CSMD1: variants seen among roughly 807,000 people sequenced by gnomAD.
CSMD1 encodes the protein CUB and sushi domain-containing protein 1.
A neutral mutation model predicts 417.5 loss-of-function variants in CSMD1; 213 were observed. The observed-to-expected ratio is 0.51, with a 90% CI of 0.46 to 0.57. CSMD1 has a LOEUF of 0.57. Ranked by LOEUF, CSMD1 falls within the 20% of genes least tolerant of loss-of-function variation. The pLI is 0.00. For missense variants in CSMD1, 6,923 were observed against 4,529.7 expected, an observed-to-expected ratio of 1.53 and a Z score of -15.17; for synonymous variants, 2,862 against 1,736.8, an observed-to-expected ratio of 1.65 and a Z score of -16.11.
chr8:3,893,339 T>TTATATATATTTATA (rs1807115105), intron 5 of CSMD1, among the ~76,000 whole-genome samples: 1 of 80,440 alleles, frequency 1.2e-5, no homozygotes, highest in Non-Finnish European at 2.8e-5. Context: ...ATTCACAATT[T>TTATATATATTTATA]TATATATATA....
At chr8:4,246,660 G>C (rs899909408) in intron 3 of CSMD1, among the ~76,000 whole-genome samples, 1 of 151,928 alleles carries the variant, frequency 6.6e-6, no homozygotes, top group Non-Finnish European at 1.5e-5. Flanking sequence ...GCAAGCAAAA[G>C]AAACAAAAAA....
intron 7 of CSMD1, among the ~76,000 whole-genome samples, chr8:3,694,178 C>T (rs528456859): frequency 1.3e-5 from 2 of 151,900 alleles, no homozygotes; most frequent in Non-Finnish European, 2.9e-5. Flanking sequence ...ATCTCACCAA[C>T]AAGGTGAATG....
At chr8:4,012,214 T>A (rs1053281431) in intron 4 of CSMD1, among the ~76,000 whole-genome samples, 1 of 152,128 alleles carries the variant, frequency 6.6e-6, no homozygotes, top group African/African-American at 2.4e-5. Context: ...TATGCCGTTT[T>A]ACTCACTCGT....
intron 5 of CSMD1, among the ~76,000 whole-genome samples, chr8:3,817,830 G>C (rs992784245): frequency 2.0e-5 from 3 of 152,162 alleles, no homozygotes; most frequent in East Asian, 3.9e-4. Context: ...GCCACACCAA[G>C]TCCAGCTTTC....
At chr8:4,397,123 C>A (rs561990455) in intron 3 of CSMD1, among the ~76,000 whole-genome samples, 1 of 152,074 alleles carries the variant, frequency 6.6e-6, no homozygotes, top group Non-Finnish European at 1.5e-5. Context: ...ACCATCTGCA[C>A]GCCATCACAT....
At chr8:4,373,351 CGTGTCACT>C (rs1224572789) in intron 3 of CSMD1, among the ~76,000 whole-genome samples, 2 of 152,148 alleles carry the variant, frequency 1.3e-5, no homozygotes, top group African/African-American at 4.8e-5. Flanking sequence ...TAGTTAATAA[CGTGTCACT>C]GTTGGTTTAT....
intron 1 of CSMD1, among the ~76,000 whole-genome samples, chr8:4,706,784 A>G (rs1807971001): frequency 6.6e-6 from 1 of 152,234 alleles, no homozygotes; most frequent in African/African-American, 2.4e-5. Context: ...CAGAAGACGC[A>G]TTTGAGAAAG....
chr8:4,398,305 A>T (rs1804396508), intron 3 of CSMD1, among the ~76,000 whole-genome samples: 1 of 150,728 alleles, frequency 6.6e-6, no homozygotes, highest in Admixed American at 6.6e-5. Flanking sequence ...CTCTACTCTT[A>T]GTATGAGTTT....
At chr8:4,046,775 A>G (rs775466020) in intron 3 of CSMD1, among the ~76,000 whole-genome samples, 1 of 152,172 alleles carries the variant, frequency 6.6e-6, no homozygotes, top group Admixed American at 6.5e-5. Flanking sequence ...TATTGTAATT[A>G]ATGCACAGCC....
chr8:3,157,075 G>A (rs1444587294), intron 39 of CSMD1, among the ~76,000 whole-genome samples: 1 of 151,494 alleles, frequency 6.6e-6, no homozygotes, highest in Non-Finnish European at 1.5e-5. Flanking sequence ...GTTTGGAGAA[G>A]CCGATCACTT....
At chr8:4,651,539 G>C (rs978440) in intron 1 of CSMD1, among the ~76,000 whole-genome samples, 106,962 of 152,072 alleles carry the variant, frequency 0.7, 38,864 homozygotes, top group African/African-American at 0.89. Flanking sequence ...TCTCTAATCA[G>C]AGTCATAATT....
At chr8:3,116,657 C>T (rs1312934522) in intron 42 of CSMD1, among the ~76,000 whole-genome samples, 1 of 152,150 alleles carries the variant, frequency 6.6e-6, no homozygotes, top group Non-Finnish European at 1.5e-5. Flanking sequence ...TTGTTATTTT[C>T]ACACTGACAA....
intron 2 of CSMD1, among the ~76,000 whole-genome samples, chr8:4,608,228 T>C (rs1323197105): frequency 6.6e-6 from 1 of 152,080 alleles, no homozygotes. Flanking sequence ...CATGGAAGCA[T>C]TTTGAGCTGG....
chr8:4,715,574 T>A (rs191862172), intron 1 of CSMD1, among the ~76,000 whole-genome samples: 71 of 152,290 alleles, frequency 4.7e-4, no homozygotes, highest in Admixed American at 4.1e-3. Flanking sequence ...TGAACTTCTC[T>A]GCGGATGCCT....
At chr8:4,275,491 G>C (rs927177961) in intron 3 of CSMD1, among the ~76,000 whole-genome samples, 2 of 123,658 alleles carry the variant, frequency 1.6e-5, no homozygotes, top group South Asian at 2.7e-4. Flanking sequence ...CGTAGAGGGA[G>C]TGATAGGAAA....
chr8:3,315,583 TAA>T (rs1177810644), intron 23 of CSMD1, among the ~76,000 whole-genome samples: 1 of 152,118 alleles, frequency 6.6e-6, no homozygotes, highest in Non-Finnish European at 1.5e-5. Flanking sequence ...TCCCATATAT[TAA>T]GTTTTTGCTG....
intron 3 of CSMD1, among the ~76,000 whole-genome samples, chr8:4,078,891 T>TAAAA (rs1799970620): frequency 9.1e-6 from 1 of 109,634 alleles, no homozygotes; most frequent in African/African-American, 4.0e-5. Context: ...ATAATAATAA[T>TAAAA]AATAAATATA....
chr8:4,459,761 C>A (rs1052123067), intron 2 of CSMD1, among the ~76,000 whole-genome samples: 1 of 152,140 alleles, frequency 6.6e-6, no homozygotes, highest in South Asian at 2.1e-4. Context: ...CAGCCTCTAG[C>A]CTCCAGAACT....
chr8:4,469,476 G>T (rs929791766), intron 2 of CSMD1, among the ~76,000 whole-genome samples: 1 of 152,096 alleles, frequency 6.6e-6, no homozygotes, highest in African/African-American at 2.4e-5. Flanking sequence ...AACCAATTCA[G>T]ATCAAAACAG....
Sources: allele counts gnomAD v4.1 joint callset (sites outside exome capture counted in the v4.1 genomes callset), GRCh38; gene constraint gnomAD v4.1.1; transcripts MANE v1.5; gene names NCBI Gene and HGNC (gene_info 2026-07-23, HGNC 2026-07-21).